EFCAB6: variants seen among roughly 807,000 people sequenced by gnomAD.
EFCAB6 encodes the protein EF-hand calcium binding domain 6.
In EFCAB6, 156 loss-of-function variants were observed where a neutral mutation model predicts 169.8. The ratio of observed to expected loss-of-function variants is 0.92; its 90% confidence interval spans 0.81 to 1.05. The LOEUF is 1.05. Ranked by LOEUF, EFCAB6 falls within the 50% of genes least tolerant of loss-of-function variation. EFCAB6 has a pLI of 0.00. For synonymous variants in EFCAB6, 698 were observed against 676.4 expected, an observed-to-expected ratio of 1.03 and a Z score of -0.50; for missense variants, 1,800 against 1,829.1, an observed-to-expected ratio of 0.98 and a Z score of 0.29.
At chr22:43,735,483 C>A (rs1305837438) in intron 7 of EFCAB6, among the ~76,000 whole-genome samples, 1 of 151,928 alleles carries the variant, frequency 6.6e-6, no homozygotes, top group Non-Finnish European at 1.5e-5. Flanking sequence ...TTCTCCTAAC[C>A]CCAGGCTTTG....
rs180820282 is a variant in EFCAB6, at chr22:43,628,123, G to A, written c.2233-1444C>T. ...GCCTCACATCTCCAGTGGTCTGGGG[G>A]CATTTTCTCTGGGATGTCAAACTGA... On this transcript the variant is annotated intron_variant, in intron 19 of 31. Coordinates refer to ENST00000262726, the MANE Select transcript of EFCAB6 (RefSeq NM_022785.4). This position sits in a 1 kb window ranked among gnomAD's most constrained non-coding sequence, Gnocchi z 4.8. Among the ~76,000 whole-genome samples, 1,054 of 152,068 alleles carry A rather than the reference G, an allele frequency of 6.9e-3. 8 individuals are homozygous for A. The highest frequency in any genetic ancestry group is 8.5e-3 in the Non-Finnish European group (581 of 67,982).
intron 3 of EFCAB6, among the ~76,000 whole-genome samples, chr22:43,776,980 C>A (rs561157543): frequency 2.0e-5 from 3 of 152,220 alleles, no homozygotes; most frequent in African/African-American, 4.8e-5. Context: ...GCTTCAAGGT[C>A]TAGGAGGTAA....
At chr22:43,580,942 GAT>G (rs1382370116) in intron 24 of EFCAB6, among the ~76,000 whole-genome samples, 3 of 152,216 alleles carry the variant, frequency 2.0e-5, no homozygotes, top group Non-Finnish European at 4.4e-5. Flanking sequence ...TTGAAGGCTG[GAT>G]ATCAGGGTTC....
chr22:43,735,859 T>C lies in EFCAB6; in HGVS notation c.642A>G (p.Glu214=). 1.2e-6 allele frequency: 2 copies of C among 1,611,758 alleles called. No homozygotes were observed. Among genetic ancestry groups the C allele is most frequent in the Non-Finnish European group, 1.7e-6 (2 of 1,179,496 alleles). The part of the protein sequence containing the change: ...FCMKLRDEEY[E]KFSKHYNIHK... ...TCACCGTGCCTTCATTTGCTTACTT[T>C]TCGTATTCCTCGTCTCTTAACTTCA... The change falls in exon 7 of 32, where the codon GAA becomes GAG. Residue 214 remains glutamate (E), a splice_region_variant and synonymous_variant. Transcript: ENST00000262726.
intron 20 of EFCAB6, among the ~76,000 whole-genome samples, chr22:43,623,739 C>CAAAAAAAA (rs137720): frequency 2.1e-5 from 2 of 95,266 alleles, no homozygotes; most frequent in Non-Finnish European, 4.1e-5. Flanking sequence ...ACTAAAAATA[C>CAAAAAAAA]AAAAAAAAAA....
In EFCAB6 at chr22:43,772,430, A is replaced by G. The variant is rs560875296; in HGVS notation, c.351+462T>C. On this transcript the variant is annotated intron_variant, in intron 4 of 31. Transcript: ENST00000262726. ...CAAGGCAGGCAGATCACCTGAGGTC[A>G]GGAGTTCGAGACCAGCCTGGAAACA... Among the ~76,000 whole-genome samples, 8 of 152,310 alleles carry G rather than the reference A, an allele frequency of 5.3e-5. No individual in the cohort carries two copies. In the East Asian group the frequency reaches 1.5e-3, roughly 29 times the overall value.
chr22:43,601,488 G>C (rs928246685), intron 22 of EFCAB6, among the ~76,000 whole-genome samples: 4 of 152,212 alleles, frequency 2.6e-5, no homozygotes, highest in African/African-American at 9.6e-5. Flanking sequence ...TCTCCCATCA[G>C]GATGTTGCTT....
chr22:43,718,689 G>A (rs2147459156), intron 8 of EFCAB6, among the ~76,000 whole-genome samples: 1 of 152,318 alleles, frequency 6.6e-6, no homozygotes, highest in South Asian at 2.1e-4. Flanking sequence ...GCTGAGTCAG[G>A]AGAACTGCTT....
At chr22:43,588,937 G>T (rs1005601484) in intron 24 of EFCAB6, among the ~76,000 whole-genome samples, 5 of 152,224 alleles carry the variant, frequency 3.3e-5, no homozygotes, top group African/African-American at 9.6e-5. Flanking sequence ...CAATACGATA[G>T]GCATGTGGCA....
chr22:43,664,366 G>A (rs2057145552), intron 17 of EFCAB6, among the ~76,000 whole-genome samples: 1 of 152,216 alleles, frequency 6.6e-6, no homozygotes, highest in Non-Finnish European at 1.5e-5. Context: ...TTGGGGAGCA[G>A]CACTACACAA....
intron 3 of EFCAB6, among the ~76,000 whole-genome samples, chr22:43,773,843 G>A (rs1052092129): frequency 3.9e-5 from 6 of 152,086 alleles, no homozygotes; most frequent in South Asian, 4.1e-4. Flanking sequence ...GTGAAACTCC[G>A]TCTCAGAAAA....
intron 26 of EFCAB6, among the ~76,000 whole-genome samples, chr22:43,563,978 G>T (rs145872517): frequency 6.6e-6 from 1 of 152,216 alleles, no homozygotes; most frequent in Non-Finnish European, 1.5e-5. Context: ...TCCAATTGAG[G>T]TGAGGGCCCA....
chr22:43,608,173 T>C (rs1275503500), intron 22 of EFCAB6, among the ~76,000 whole-genome samples: 1 of 152,214 alleles, frequency 6.6e-6, no homozygotes, highest in African/African-American at 2.4e-5. Flanking sequence ...ACTTGTTTTG[T>C]TAAAACAGTA....
intron 8 of EFCAB6, among the ~76,000 whole-genome samples, chr22:43,730,529 C>T (rs1171658108): frequency 6.6e-6 from 1 of 151,928 alleles, no homozygotes; most frequent in African/African-American, 2.4e-5. Flanking sequence ...TTCTATTCTT[C>T]TGATACACTC....
At position 43,668,941 on chromosome 22, in the gene EFCAB6, A is replaced by G. The variant is rs2057372596; in HGVS notation, c.1745T>C (p.Val582Ala). ...TTCACTTAACAGCTGATCCTTTGGA[A>G]CAAGAACTGGAGAGACAGTGGGTGG... ...DGPPTVSPVL[V>A]PKDQLLSEHL... The change falls in exon 16 of 32, where the codon GTT becomes GCT. Residue 582 changes from valine (V) to alanine (A), a missense_variant. Physicochemically the swap from Val to Ala is moderately conservative, Grantham distance 64 (BLOSUM62 0). Transcript: ENST00000262726. 1 of 1,613,270 alleles carries G rather than the reference A, an allele frequency of 6.2e-7. No individual in the cohort carries two copies. The highest frequency in any genetic ancestry group is 1.3e-5 in the African/African-American group (1 of 74,936).
intron 7 of EFCAB6, among the ~76,000 whole-genome samples, chr22:43,735,189 G>T (rs2060086684): frequency 6.6e-6 from 1 of 152,072 alleles, no homozygotes; most frequent in Non-Finnish European, 1.5e-5. Flanking sequence ...GGAGTTTATA[G>T]GAGGCTCAAA....
At chr22:43,719,833 A>G (rs2059458760) in intron 8 of EFCAB6, among the ~76,000 whole-genome samples, 1 of 152,216 alleles carries the variant, frequency 6.6e-6, no homozygotes, top group Non-Finnish European at 1.5e-5. Context: ...ATTGATTCAT[A>G]ATACTGTTTC....
intron 20 of EFCAB6, among the ~76,000 whole-genome samples, chr22:43,618,436 C>T (rs993506079): frequency 6.6e-6 from 1 of 152,016 alleles, no homozygotes; most frequent in African/African-American, 2.4e-5. Flanking sequence ...ATGGAGTAGG[C>T]ACACTTCACC....
intron 3 of EFCAB6, among the ~76,000 whole-genome samples, chr22:43,778,389 TG>T (rs1278167818): frequency 6.6e-6 from 1 of 152,182 alleles, no homozygotes; most frequent in Admixed American, 6.5e-5. Flanking sequence ...TCGGGGCAGC[TG>T]TTTACCAAAG....
Sources: gnomAD v4.1 joint callset for allele counts (sites outside exome capture counted in the v4.1 genomes callset) on GRCh38, gnomAD v4.1.1 for gene constraint, Gnocchi (gnomAD v3.1) non-coding constraint, MANE v1.5 for transcripts, NCBI Gene and HGNC (gene_info 2026-07-23, HGNC 2026-07-21) for gene names.